BCL11B: variants seen among roughly 807,000 people sequenced by gnomAD.
The protein encoded by BCL11B is B-cell lymphoma/leukemia 11B.
A neutral mutation model predicts 49.9 loss-of-function variants in BCL11B; 8 were observed. The ratio of observed to expected loss-of-function variants is 0.16; its 90% CI spans 0.09 to 0.29. The LOEUF is 0.29. Among genes scored for constraint, BCL11B ranks in the 10% least tolerant of loss-of-function variants. The pLI, the probability that BCL11B is intolerant of heterozygous loss-of-function variation, is 1.00. For synonymous variants in BCL11B, 739 were observed against 637.4 expected (o/e 1.16, Z -2.40); for missense variants, 1,006 against 1,351.0 (o/e 0.74, Z 4.00).
rs147748372 is a variant in BCL11B at position 99,252,990 on chromosome 14, C to A, written c.427+4481G>T. Among the ~76,000 whole-genome samples, 14 of 152,368 alleles carry A rather than the reference C, an allele frequency of 9.2e-5. No homozygotes were observed. The East Asian group carries it at 2.7e-3, about 29-fold the overall frequency. On this transcript the variant is annotated intron_variant, in intron 2 of 3. Transcript: ENST00000357195. ...TACTCGGCATGCTGCCAAGCAGGGTCCACACTTTCCTGTGTTTGGCTTTCT... is the reference window on the plus strand; with the variant it reads ...TACTCGGCATGCTGCCAAGCAGGGTACACACTTTCCTGTGTTTGGCTTTCT...
At position 99,231,737 on chromosome 14, in the gene BCL11B, G is replaced by C. The variant is rs546453259; in HGVS notation, c.428-180C>G. 6.6e-6 allele frequency among the ~76,000 whole-genome samples: 1 copy of C among 151,884 alleles called. No homozygotes were observed. The highest frequency in any genetic ancestry group is 1.5e-5 in the Non-Finnish European group (1 of 67,926). ...GGGACACAGGCGAGGGAATGGGCTC[G>C]GGGAGGTGGGCAGGGGGCACTGGGG... On this transcript the variant is annotated intron_variant, in intron 2 of 3. Transcript: ENST00000357195. This position sits in a 1 kb window ranked among gnomAD's most constrained non-coding sequence, Gnocchi z 8.1.
At position 99,175,764 on chromosome 14, in the gene BCL11B, A is replaced by G; in HGVS notation, c.1072T>C (p.Ser358Pro). The part of the protein sequence containing the change: ...VMRLNPMAID[S>P]PAMDFSRRLR... ...CGCCGCGAGAAGTCCATGGCGGGCG[A>G]GTCGATGGCCATGGGGTTCAGGCGC... The change falls in exon 4 of 4, where the codon TCG becomes CCG. Residue 358 changes from serine (S) to proline (P), a missense_variant. By Grantham distance (74) the Ser-to-Pro change is moderately conservative (BLOSUM62 -1). This residue lies in a region of BCL11B where 411 missense variants were observed against 542.2 expected (regional missense o/e 0.76). Coordinates refer to ENST00000357195, the MANE Select transcript of BCL11B (RefSeq NM_138576.4). The G allele has an allele frequency of 6.8e-7, 1 of 1,464,858 alleles. No individual in the cohort carries two copies. Among genetic ancestry groups the G allele is most frequent in the East Asian group, 2.6e-5 (1 of 38,444 alleles). 90.7% of individuals were successfully genotyped at this position (1,464,858 alleles called of 1,614,324 possible).
chr14:99,186,031 G>T lies in BCL11B; in HGVS notation c.641-9836C>A, dbSNP rs538901466. ...GAGGAGGGACACACAAAGAAATGAA[G>T]GTCTGTCCTCATGGAGCATAAAGTC... On this transcript the variant is annotated intron_variant, in intron 3 of 3. Coordinates refer to ENST00000357195, the MANE Select transcript of BCL11B (RefSeq NM_138576.4). Among the ~76,000 whole-genome samples the T allele has an allele frequency of 2.0e-3, 298 of 152,366 alleles. 3 individuals are homozygous for T. Among genetic ancestry groups the T allele is most frequent in the African/African-American group, 6.8e-3 (284 of 41,586 alleles).
chr14:99,231,089 T>C lies in BCL11B; in HGVS notation c.640+256A>G, dbSNP rs997203267. Among the ~76,000 whole-genome samples, 1 of 152,110 alleles carries C rather than the reference T, an allele frequency of 6.6e-6. No individual in the cohort carries two copies. Among genetic ancestry groups the C allele is most frequent in the Non-Finnish European group, 1.5e-5 (1 of 68,012 alleles). On this transcript the variant is annotated intron_variant, in intron 3 of 3. Coordinates refer to ENST00000357195, the MANE Select transcript of BCL11B (RefSeq NM_138576.4). This position sits in a 1 kb window ranked among gnomAD's most constrained non-coding sequence, Gnocchi z 8.1. ...CGCTAAACAACCCAAAGAAGCGGGA[T>C]TGGGAGGCTGGGGAATGCATTCTGG...
At chr14:99,210,140 G>A (rs1024600188) in intron 3 of BCL11B, among the ~76,000 whole-genome samples, 2 of 152,178 alleles carry the variant, frequency 1.3e-5, no homozygotes. Flanking sequence ...CAGAGCCCAG[G>A]GGAAGGAGGT....
chr14:99,190,728 G>C (rs781606909), intron 3 of BCL11B, among the ~76,000 whole-genome samples: 10 of 152,204 alleles, frequency 6.6e-5, no homozygotes, highest in Non-Finnish European at 1.5e-4. Context: ...AAGGCTATCA[G>C]TAAGCTAATT....
intron 1 of BCL11B, among the ~76,000 whole-genome samples, chr14:99,268,291 C>A (rs193229638): frequency 2.0e-5 from 3 of 152,000 alleles, no homozygotes; most frequent in Admixed American, 6.5e-5. Flanking sequence ...CTCCCCACCG[C>A]CACCCACCCA....
At position 99,170,580 on chromosome 14, in the gene BCL11B, A is replaced by G. The variant is rs915856268; in HGVS notation, c.*3571T>C. On this transcript the variant is annotated 3_prime_UTR_variant, in exon 4 of 4. Coordinates refer to ENST00000357195, the MANE Select transcript of BCL11B (RefSeq NM_138576.4). ...AAATTAAATAAAAAATGAAAGAAAAAAAAAGGACCAATGGAGGATGAAGGA... is the reference window on the plus strand; with the variant it reads ...AAATTAAATAAAAAATGAAAGAAAAGAAAAGGACCAATGGAGGATGAAGGA... The G allele has an allele frequency of 1.7e-5, 4 of 232,402 alleles. No individual in the cohort carries two copies. Among genetic ancestry groups the G allele is most frequent in the East Asian group, 6.1e-5 (1 of 16,426 alleles). The allele number at this position is 232,402 out of a possible 1,614,324, so 14.4% of individuals were successfully genotyped here.
rs1343156475 is a variant in BCL11B at position 99,271,994 on chromosome 14, G to C, written c.-776C>G. Among the ~76,000 whole-genome samples the C allele has an allele frequency of 6.6e-6, 1 of 151,996 alleles. No individual in the cohort carries two copies. Among genetic ancestry groups the C allele is most frequent in the African/African-American group, 2.4e-5 (1 of 41,410 alleles). On this transcript the variant is annotated 5_prime_UTR_variant, in exon 1 of 4. Transcript: ENST00000357195. ...AGGCTCCTTCCCAGTTCACCTGGCA[G>C]GCTGGCGCCGGCCGGAGGGGCTGCC...
chr14:99,178,756 C>T (rs77748159), intron 3 of BCL11B, among the ~76,000 whole-genome samples: 20,962 of 152,192 alleles, frequency 0.14, 1,825 homozygotes, highest in Middle Eastern at 0.25. Flanking sequence ...TGAAGTGCCC[C>T]TTCCTGCAGG....
rs200245970 is a variant in BCL11B, at chr14:99,245,045, T to C, written c.427+12426A>G. Among the ~76,000 whole-genome samples, 7 of 152,314 alleles carry C rather than the reference T, an allele frequency of 4.6e-5. No individual in the cohort carries two copies. In the East Asian group the frequency reaches 1.3e-3, roughly 29 times the overall value. On this transcript the variant is annotated intron_variant, in intron 2 of 3. Coordinates refer to ENST00000357195, the MANE Select transcript of BCL11B (RefSeq NM_138576.4). ...CTTTTAATCGGCTACAGGCGAACAG[T>C]ATACAGTTTTATTTCCAGAGTAACA...
chr14:99,225,907 A>G (rs1485435201), intron 3 of BCL11B, among the ~76,000 whole-genome samples: 2 of 151,242 alleles, frequency 1.3e-5, no homozygotes, highest in African/African-American at 2.5e-5. Flanking sequence ...GCTTCCCCCA[A>G]CTGGGGGGCT....
In BCL11B at chr14:99,169,492, A is replaced by G. The variant is rs923888839; in HGVS notation, c.*4659T>C. 2.0e-5 allele frequency: 4 copies of G among 199,060 alleles called. No homozygotes were observed. Among genetic ancestry groups the G allele is most frequent in the Non-Finnish European group, 4.2e-5 (4 of 96,152 alleles). The allele number at this position is 199,060 out of a possible 1,614,324, so 12.3% of individuals were successfully genotyped here. ...AGCCATATTGAAATGACCTCCTGTC[A>G]TCTCAACATTTTATCCATAATAAAA... is the stretch of plus-strand genomic sequence containing the variant. On this transcript the variant is annotated 3_prime_UTR_variant, in exon 4 of 4. Transcript: ENST00000357195.
rs183240187 is a variant in BCL11B, at chr14:99,171,034, G to A, written c.*3117C>T. On this transcript the variant is annotated 3_prime_UTR_variant, in exon 4 of 4. Coordinates refer to ENST00000357195, the MANE Select transcript of BCL11B (RefSeq NM_138576.4). ...TCTCCTCTACATCTGACATCTTAGA[G>A]ATGGCCTCTTAGAGAAAGGGAGGAC... The A allele has an allele frequency of 4.3e-6, 1 of 231,640 alleles. No homozygotes were observed. Among genetic ancestry groups the A allele is most frequent in the Admixed American group, 5.6e-5 (1 of 17,720 alleles). 14.3% of individuals were successfully genotyped at this position (231,640 alleles called of 1,614,324 possible). A position where few individuals can be genotyped will look rare whatever the true frequency, so the allele number is the denominator to read the frequency against.
intron 3 of BCL11B, among the ~76,000 whole-genome samples, chr14:99,182,486 C>T (rs1171837474): frequency 6.6e-6 from 1 of 152,158 alleles, no homozygotes; most frequent in African/African-American, 2.4e-5. Context: ...TTTCAGCCCA[C>T]GTACTAACAA....
rs974162949 is a variant in BCL11B at position 99,205,102 on chromosome 14, T to A, written c.640+26243A>T. Among the ~76,000 whole-genome samples the A allele has an allele frequency of 6.6e-6, 1 of 151,918 alleles. No homozygotes were observed. The highest frequency in any genetic ancestry group is 6.5e-5 in the Admixed American group (1 of 15,270). On this transcript the variant is annotated intron_variant, in intron 3 of 3. Transcript: ENST00000357195. The surrounding 1 kb of genome is among the most constrained non-coding windows in gnomAD (Gnocchi z 5.0). ...AGTTACATTACTTTGAAAGGGAGCATAATATGATCCTTCCTTAATGGAAGC... is the reference window on the plus strand; with the variant it reads ...AGTTACATTACTTTGAAAGGGAGCAAAATATGATCCTTCCTTAATGGAAGC...
rs551753545 is a variant in BCL11B, at chr14:99,262,548, A to G, written c.59-4709T>C. On this transcript the variant is annotated intron_variant, in intron 1 of 3. Transcript: ENST00000357195. This position sits in a 1 kb window ranked among gnomAD's most constrained non-coding sequence, Gnocchi z 4.2. ...CTTAAAATCGTGTGCCACCAACGTCACAACCGCCATCATGATGTGTACGCA... is the reference window on the plus strand; with the variant it reads ...CTTAAAATCGTGTGCCACCAACGTCGCAACCGCCATCATGATGTGTACGCA... Among the ~76,000 whole-genome samples, 2 of 152,300 alleles carry G rather than the reference A, an allele frequency of 1.3e-5. No homozygotes were observed. Among genetic ancestry groups the G allele is most frequent in the South Asian group, 4.1e-4 (2 of 4,828 alleles).
At position 99,217,385 on chromosome 14, in the gene BCL11B, G is replaced by GACACACACACACATACAGACACACAC. The variant is rs555834922; in HGVS notation, c.640+13959_640+13960insGTGTGTGTCTGTATGTGTGTGTGTGT. Among the ~76,000 whole-genome samples the GACACACACACACATACAGACACACAC allele has an allele frequency of 8.8e-4, 115 of 131,124 alleles. 2 individuals are homozygous for GACACACACACACATACAGACACACAC. The East Asian group carries it at 0.016, about 18-fold the overall frequency. The allele number at this position is 131,124 out of a possible 152,430, so 86.0% of individuals were successfully genotyped here. A position where few individuals can be genotyped will look rare whatever the true frequency, so the allele number is the denominator to read the frequency against. On this transcript the variant is annotated intron_variant, in intron 3 of 3. Transcript: ENST00000357195. ...GAGTACAAATATACACACACATACA[G>GACACACACACACATACAGACACACAC]ACACACACACACACACACACACACA...
At chr14:99,182,206 T>C (rs1886725246) in intron 3 of BCL11B, among the ~76,000 whole-genome samples, 1 of 152,164 alleles carries the variant, frequency 6.6e-6, no homozygotes, top group African/African-American at 2.4e-5. Context: ...ATGAAATCCT[T>C]ACCACCTGCC....
Sources: gnomAD v4.1 joint callset for allele counts (sites outside exome capture counted in the v4.1 genomes callset) on GRCh38, gnomAD v4.1.1 for gene constraint, gnomAD v4.1.1 regional missense constraint, Gnocchi (gnomAD v3.1) non-coding constraint, MANE v1.5 for transcripts, NCBI Gene and HGNC (gene_info 2026-07-23, HGNC 2026-07-21) for gene names.